Variants in A2M observed in about 807,000 individuals in gnomAD.
A2M encodes the protein alpha-2-macroglobulin.
In A2M, 128 loss-of-function variants were observed where a neutral mutation model predicts 183.9. That is an observed-to-expected ratio of 0.70 (90% CI 0.60 to 0.81). A2M has a LOEUF of 0.81. A2M is among the 30% of genes least tolerant of loss of function. The pLI is 0.00. For synonymous variants in A2M, 592 were observed against 670.8 expected, an observed-to-expected ratio of 0.88 and a Z score of 1.81; for missense variants, 1,495 against 1,787.6, an observed-to-expected ratio of 0.84 and a Z score of 2.95.
At position 9,073,214 on chromosome 12, in the gene A2M, A is replaced by C. The variant is rs1173518024; in HGVS notation, c.3757-343T>G. Among the ~76,000 whole-genome samples, 4 of 152,314 alleles carry C rather than the reference A, an allele frequency of 2.6e-5. No homozygotes were observed. In the East Asian group the frequency reaches 7.7e-4, roughly 29 times the overall value. The stretch of plus-strand genomic sequence containing the variant: ...TGCTAACATGTCTTTCTTGACAACT[A>C]TGCTCATATCTGCCACCACTCAAGC... On this transcript the variant is annotated intron_variant, in intron 29 of 35. Coordinates refer to ENST00000318602, the MANE Select transcript of A2M (RefSeq NM_000014.6).
upstream of A2M, chr12:9,116,200 C>A (rs1367521242): frequency 6.2e-6 from 2 of 324,828 alleles, no homozygotes; most frequent in Non-Finnish European, 1.2e-5. Flanking sequence ...CTCACAACGC[C>A]TTTTATGGTG....
At chr12:9,108,399 TA>T (rs1388550967) in intron 7 of A2M, among the ~76,000 whole-genome samples, 2 of 152,232 alleles carry the variant, frequency 1.3e-5, no homozygotes, top group Non-Finnish European at 2.9e-5. Context: ...GTGCTGGGAT[TA>T]CAGGCGTGAG....
intron 1 of A2M, among the ~76,000 whole-genome samples, chr12:9,114,657 CTTT>C (rs1938987640): frequency 6.6e-6 from 1 of 151,800 alleles, no homozygotes; most frequent in Admixed American, 6.6e-5. Flanking sequence ...ATTCTTACTT[CTTT>C]ATTGTCAAGC....
In A2M at chr12:9,094,979, A is replaced by T. The variant is rs1307212068; in HGVS notation, c.2119T>A (p.Phe707Ile). The change falls in exon 17 of 36, where the codon TTT becomes ATT. Residue 707 changes from phenylalanine (F) to isoleucine (I), a missense_variant. Phe to Ile is a conservative substitution (Grantham distance 21). Coordinates refer to ENST00000318602, the MANE Select transcript of A2M (RefSeq NM_000014.6). ...MHGPEGLRVG[F>I]YESDVMGRGH... Reference sequence around the variant, plus strand: ...TTATTAATTTTTTGTTTACCATAAAAACCTACACGTAGACCTTCAGGTCCA... The same window carrying T: ...TTATTAATTTTTTGTTTACCATAAATACCTACACGTAGACCTTCAGGTCCA... 1 of 1,533,968 alleles carries T rather than the reference A, an allele frequency of 6.5e-7. No homozygotes were observed. The highest frequency in any genetic ancestry group is 1.4e-5 in the African/African-American group (1 of 72,402).
Position 9,080,093 on chromosome 12 carries a change from C to A in A2M, c.2854+1G>T. 2 of 1,579,706 alleles carry A rather than the reference C, an allele frequency of 1.3e-6. No individual in the cohort carries two copies. The highest frequency in any genetic ancestry group is 2.7e-5 in the African/African-American group (2 of 74,104). On this transcript the variant is annotated splice_donor_variant, in intron 23 of 35. Coordinates refer to ENST00000318602, the MANE Select transcript of A2M (RefSeq NM_000014.6). LOFTEE classifies it high-confidence loss of function. Reference sequence around the variant, plus strand: ...GGATCCACTAGGGGCTGGAGACTCACCCAAAACTGAGACAGAAGCTCGGGC... The same window carrying A: ...GGATCCACTAGGGGCTGGAGACTCAACCAAAACTGAGACAGAAGCTCGGGC...
chr12:9,090,616 GT>G, intron 19 of A2M, 134 bp from the exon 20 acceptor site: 1 of 886,956 alleles, frequency 1.1e-6, no homozygotes, highest in East Asian at 2.7e-5. Flanking sequence ...TGAAGATCAA[GT>G]ACCTGAAATA....
chr12:9,086,784 C>A (rs184874378), intron 22 of A2M, among the ~76,000 whole-genome samples: 37 of 152,204 alleles, frequency 2.4e-4, no homozygotes, highest in Non-Finnish European at 4.1e-4. Flanking sequence ...GAAGTAGCAG[C>A]AAGAGCAATC....
chr12:9,089,003 G>A (rs1949128334), intron 22 of A2M, among the ~76,000 whole-genome samples, 197 bp downstream of exon 22: 1 of 152,212 alleles, frequency 6.6e-6, no homozygotes, highest in African/African-American at 2.4e-5. Context: ...AAAAGATCAA[G>A]ACTCAGAATG....
intron 30 of A2M, 49 bp from the exon 31 acceptor site, chr12:9,072,535 C>T: frequency 2.5e-6 from 4 of 1,602,410 alleles, no homozygotes; most frequent in East Asian, 2.2e-5. Context: ...TCCCAGAATT[C>T]CTGTCCACGT....
At position 9,079,234 on chromosome 12, in the gene A2M, C is replaced by T. The variant is rs1431928641; in HGVS notation, c.3119+10G>A. The T allele has an allele frequency of 1.9e-6, 3 of 1,611,266 alleles. No individual in the cohort carries two copies. Among genetic ancestry groups the T allele is most frequent in the Admixed American group, 3.4e-5 (2 of 59,486 alleles). On this transcript the variant is annotated intron_variant, in intron 25 of 35. Coordinates refer to ENST00000318602, the MANE Select transcript of A2M (RefSeq NM_000014.6). Reference sequence around the variant, plus strand: ...ACAAAAAGAAGCTCAAAAAATTGTTCTTTCCTTACCAGGTGTTGCCCTGGT... The same window carrying T: ...ACAAAAAGAAGCTCAAAAAATTGTTTTTTCCTTACCAGGTGTTGCCCTGGT...
At chr12:9,098,813 C>G (rs1004267792) in intron 14 of A2M, 57 bp from the exon 15 acceptor site, 2 of 1,580,778 alleles carry the variant, frequency 1.3e-6, no homozygotes, top group South Asian at 2.3e-5. Flanking sequence ...CCCATGCATT[C>G]ACTCGCATTT....
chr12:9,091,560 A>G (rs1174469406), intron 18 of A2M, 131 bp from the exon 19 acceptor site: 1 of 908,640 alleles, frequency 1.1e-6, no homozygotes, highest in African/African-American at 1.7e-5. Flanking sequence ...AATGGAGAGT[A>G]TAATCAAGGA....
chr12:9,103,835 C>T (rs772539725), intron 11 of A2M, among the ~76,000 whole-genome samples: 15 of 152,144 alleles, frequency 9.9e-5, no homozygotes, highest in Non-Finnish European at 1.8e-4. Flanking sequence ...TGGGTAGCCT[C>T]GATCTCTCAG....
chr12:9,069,006 A>G (rs1294417651), intron 33 of A2M, 164 bp from the exon 34 acceptor site: 4 of 517,232 alleles, frequency 7.7e-6, no homozygotes, highest in Non-Finnish European at 1.4e-5. Flanking sequence ...GGGATGATAA[A>G]TTCTCCAGAT....
chr12:9,097,775 G>T (rs1949428236), intron 15 of A2M, among the ~76,000 whole-genome samples: 1 of 152,050 alleles, frequency 6.6e-6, no homozygotes, highest in Non-Finnish European at 1.5e-5. Context: ...TGGGATGACA[G>T]GCGCCCGCCA....
At chr12:9,109,521 T>A (rs1938564818) in intron 6 of A2M, 116 bp from the exon 7 acceptor site, 1 of 772,388 alleles carries the variant, frequency 1.3e-6, no homozygotes, top group African/African-American at 1.7e-5. Context: ...AAAAGGTAGC[T>A]CTGCTCTCCA....
Position 9,090,239 on chromosome 12 carries a change from G to A in A2M, c.2596+117C>T, listed in dbSNP as rs761860670. ...AGGCATCTTAGAATAAAAGGCAAAGGAAAAAAATCGCAGCATCTAGTGGTC... is the reference window on the plus strand; with the variant it reads ...AGGCATCTTAGAATAAAAGGCAAAGAAAAAAAATCGCAGCATCTAGTGGTC... On this transcript the variant is annotated intron_variant, in intron 20 of 35. Transcript: ENST00000318602. 1.3e-5 allele frequency: 19 copies of A among 1,518,180 alleles called. No individual in the cohort carries two copies. In the East Asian group the frequency reaches 4.1e-4, roughly 33 times the overall value. The allele number at this position is 1,518,180 out of a possible 1,614,324, so 94.0% of individuals were successfully genotyped here.
At position 9,099,372 on chromosome 12, in the gene A2M, AAC is replaced by A; in HGVS notation, c.1701+7_1701+8del. The A allele has an allele frequency of 6.4e-7, 1 of 1,553,056 alleles. No homozygotes were observed. Among genetic ancestry groups the A allele is most frequent in the East Asian group, 2.4e-5 (1 of 41,046 alleles). ...ACATGTTGAAGATTTTATGATCTAA[AAC>A]ACACACCTTGTTGGCCAGACAATTT... On this transcript the variant is annotated splice_region_variant and intron_variant, in intron 14 of 35. Coordinates refer to ENST00000318602, the MANE Select transcript of A2M (RefSeq NM_000014.6).
chr12:9,085,409 C>G (rs1949024468), intron 22 of A2M, among the ~76,000 whole-genome samples: 1 of 151,938 alleles, frequency 6.6e-6, no homozygotes, highest in African/African-American at 2.4e-5. Context: ...TGCTCCTGAA[C>G]AGCCAATGGG....
Sources: gnomAD v4.1 joint callset for allele counts (sites outside exome capture counted in the v4.1 genomes callset) on GRCh38, gnomAD v4.1.1 for gene constraint, MANE v1.5 for transcripts, NCBI Gene and HGNC (gene_info 2026-07-23, HGNC 2026-07-21) for gene names.